IKZF4: variants seen among roughly 807,000 people sequenced by gnomAD.
IKZF4 encodes IKAROS family zinc finger 4, also known as zinc finger protein Eos.
IKZF4 carries 11 observed loss-of-function variants against 47.7 expected under a neutral mutation model. That is an observed-to-expected ratio of 0.23 (90% CI 0.15 to 0.38). The LOEUF (loss-of-function observed/expected upper bound fraction) is 0.38. Ranked by LOEUF, IKZF4 falls within the 10% of genes least tolerant of loss-of-function variation. The probability of loss-of-function intolerance (pLI) is 1.00; values close to 1 mark genes in which losing one functional copy is unlikely to be tolerated. For missense variants in IKZF4, 557 were observed against 784.9 expected (o/e 0.71, Z 3.47); for synonymous variants, 298 against 299.4 (o/e 1.00, Z 0.05).
In IKZF4 at chr12:56,032,706, A is replaced by C; in HGVS notation, c.861A>C (p.Gln287His). The change falls in exon 6 of 8, where the codon CAA (glutamine) becomes CAC (histidine). Residue 287 changes from glutamine to histidine, a missense_variant. Gln to His is a conservative substitution (Grantham distance 24). Transcript: ENST00000547167. Reference protein sequence around the residue: ...LSTEAQALAGQPGDEIRDLEM... With the variant: ...LSTEAQALAGHPGDEIRDLEM... ...CTGAAGCCCAAGCTTTGGCTGGCCA[A>C]CCAGGTAGGGCTATTGATGTACTAC... 1.8e-5 allele frequency: 29 copies of C among 1,614,042 alleles called. No individual in the cohort carries two copies. Among genetic ancestry groups the C allele is most frequent in the Non-Finnish European group, 2.5e-5 (29 of 1,179,910 alleles).
intron 1 of IKZF4, among the ~76,000 whole-genome samples, chr12:56,009,061 C>T (rs544559347): frequency 1.3e-5 from 2 of 152,242 alleles, no homozygotes; most frequent in East Asian, 1.9e-4. Context: ...TGTCAACCCT[C>T]GCTTATATGT....
upstream of IKZF4, chr12:56,021,034 C>A: frequency 9.1e-7 from 1 of 1,101,036 alleles, no homozygotes; most frequent in South Asian, 2.7e-5. Flanking sequence ...CTCTCTCTCT[C>A]TCTTGCACAC....
intron 7 of IKZF4, among the ~76,000 whole-genome samples, chr12:56,033,668 C>G (rs564354284): frequency 2.0e-5 from 3 of 152,032 alleles, no homozygotes; most frequent in Non-Finnish European, 4.4e-5. Context: ...GATCGCGCCA[C>G]TGCACTCCAT....
rs56857131 is a variant in IKZF4 at position 56,021,294 on chromosome 12, TCACA to T, written c.-180_-177del. 3.6e-4 allele frequency: 415 copies of T among 1,142,096 alleles called. 2 individuals carry two copies. The African/African-American group carries it at 6.2e-3, about 17-fold the overall frequency. 70.7% of individuals were successfully genotyped at this position (1,142,096 alleles called of 1,614,324 possible). On this transcript the variant is annotated 5_prime_UTR_variant, in exon 1 of 8. Transcript: ENST00000547167. ...CTCTCCCTCTCTCTCTCTCTCTCTC[TCACA>T]CACACACACACACACACACTCAACA...
intron 7 of IKZF4, 56 bp from the exon 8 acceptor site, chr12:56,034,515 G>T (rs1034241521): frequency 6.6e-7 from 1 of 1,504,578 alleles, no homozygotes; most frequent in Non-Finnish European, 9.0e-7. Flanking sequence ...AAGTAATCCT[G>T]AGGAGAGTGT....
intron 5 of IKZF4, among the ~76,000 whole-genome samples, chr12:56,028,960 C>A (rs1592973819): frequency 6.6e-6 from 1 of 152,160 alleles, no homozygotes; most frequent in East Asian, 1.9e-4. Context: ...CCTGGGAAAT[C>A]CCTCCTCTCA....
chr12:56,033,031 T>TG (rs1323261128), intron 6 of IKZF4, among the ~76,000 whole-genome samples, 159 bp from the exon 7 acceptor site: 2 of 152,148 alleles, frequency 1.3e-5, no homozygotes, highest in African/African-American at 4.8e-5. Flanking sequence ...GAAATTTTAT[T>TG]GGAGTGAGCT....
chr12:56,034,695 C>T lies in IKZF4; in HGVS notation c.1122C>T (p.Ala374=), dbSNP rs369980358. 23 of 1,614,044 alleles carry T rather than the reference C, an allele frequency of 1.4e-5. No individual in the cohort carries two copies. The highest frequency in any genetic ancestry group is 1.5e-5 in the Non-Finnish European group (18 of 1,179,882). The change falls in exon 8 of 8, where the codon GCC becomes GCT. Residue 374 remains alanine, a synonymous_variant. Coordinates refer to ENST00000547167, the MANE Select transcript of IKZF4 (RefSeq NM_022465.4). The part of the protein sequence containing the change: ...SLEPGFGSSL[A]FVGAEHLRPL... ...AGCCTGGCTTTGGAAGTTCCCTGGC[C>T]TTTGTGGGTGCAGAGCATCTGCGTC...
chr12:56,017,983 G>A (rs1892350438), upstream of IKZF4: 1 of 430,840 alleles, frequency 2.3e-6, no homozygotes, highest in Admixed American at 3.3e-5. Context: ...CACAGTGCCT[G>A]GCTAAGGTTT....
chr12:56,033,263 C>A lies in IKZF4; in HGVS notation c.939C>A (p.Ile313=), dbSNP rs780736271. 4 of 1,614,016 alleles carry A rather than the reference C, an allele frequency of 2.5e-6. No homozygotes were observed. Among genetic ancestry groups the A allele is most frequent in the Non-Finnish European group, 3.4e-6 (4 of 1,179,888 alleles). The change falls in exon 7 of 8, where the codon ATC becomes ATA. Residue 313 remains isoleucine, a synonymous_variant. Transcript: ENST00000547167. ...LHSSSERPTF[I]DRLANSLTKR... is the part of the protein sequence containing the mutation. ...CATCCTCTGAGCGGCCAACTTTCAT[C>A]GATCGTCTGGCCAATAGCCTCACCA...
intron 7 of IKZF4, 88 bp from the exon 8 acceptor site, chr12:56,034,483 C>T: frequency 2.2e-6 from 3 of 1,352,704 alleles, no homozygotes; most frequent in Non-Finnish European, 3.0e-6. Context: ...TTACACCCAG[C>T]CCCACAGGTA....
At chr12:56,019,985 C>T (rs1320681359), upstream of IKZF4, among the ~76,000 whole-genome samples, 1 of 152,222 alleles carries the variant, frequency 6.6e-6, no homozygotes, top group Non-Finnish European at 1.5e-5. Context: ...AGTAAGGCTA[C>T]CATTAGCCCT....
rs552474440 is a variant in IKZF4, at chr12:56,028,858, G to C, written c.715+911G>C. On this transcript the variant is annotated intron_variant, in intron 5 of 7. Transcript: ENST00000547167. ...CCTGAAGTACTGGGATTACAGGCGT[G>C]GTGTCAGCCACTGTGCCTGGGCTTT... 6.6e-3 allele frequency among the ~76,000 whole-genome samples: 563 copies of C among 85,734 alleles called. 9 individuals carry two copies. The highest frequency in any genetic ancestry group is 0.017 in the African/African-American group (533 of 31,358). The allele number at this position is 85,734 out of a possible 152,430, so 56.2% of individuals were successfully genotyped here.
chr12:56,014,499 C>G (rs1891752204), intron 2 of IKZF4, among the ~76,000 whole-genome samples: 1 of 152,184 alleles, frequency 6.6e-6, no homozygotes, highest in African/African-American at 2.4e-5. Flanking sequence ...TGCATGCACA[C>G]AAACACACAC....
rs1895792951 is a variant in IKZF4 at position 56,038,338 on chromosome 12, T to A, written c.*3007T>A. On this transcript the variant is annotated 3_prime_UTR_variant, in exon 8 of 8. Coordinates refer to ENST00000547167, the MANE Select transcript of IKZF4 (RefSeq NM_022465.4). ...CAAAGCATTTTGTATATGTAATATA[T>A]TGTAAGTAAATATTTGTGTAACGGA... 6.6e-6 allele frequency: 1 copy of A among 152,612 alleles called. No homozygotes were observed. Among genetic ancestry groups the A allele is most frequent in the African/African-American group, 2.4e-5 (1 of 41,432 alleles). 9.5% of individuals were successfully genotyped at this position (152,612 alleles called of 1,614,324 possible).
At chr12:56,027,397 CATCT>C (rs2136673002) in intron 4 of IKZF4, among the ~76,000 whole-genome samples, 1 of 151,746 alleles carries the variant, frequency 6.6e-6, no homozygotes, top group African/African-American at 2.4e-5. Flanking sequence ...TGGGCCCTCC[CATCT>C]AATAATTAAA....
upstream of IKZF4, chr12:56,020,888 G>T (rs989522287): frequency 9.1e-5 from 89 of 981,456 alleles, no homozygotes; most frequent in Non-Finnish European, 1.1e-4. Context: ...GGGGCTTTCT[G>T]CCTCTCTGAG....
chr12:56,021,382 G>GTGCC lies in IKZF4; in HGVS notation c.-111_-108dup. 6.5e-7 allele frequency: 1 copy of GTGCC among 1,548,288 alleles called. No individual in the cohort carries two copies. The highest frequency in any genetic ancestry group is 8.7e-7 in the Non-Finnish European group (1 of 1,146,852). ...CTGCAGCCGTGGGCCTCTGCTCACC[G>GTGCC]TGCCGCTGCTGCTGCCTGCGAAATG... On this transcript the variant is annotated 5_prime_UTR_variant, in exon 1 of 8. Transcript: ENST00000547167.
Position 56,035,706 on chromosome 12 carries a change from C to G in IKZF4, c.*375C>G, listed in dbSNP as rs749621390. ...GGCCAATTTTTCTCTCTTAGATCTT[C>G]CAGCAGCCCCAGGGGTAGGAAGCTC... On this transcript the variant is annotated 3_prime_UTR_variant, in exon 8 of 8. Transcript: ENST00000547167. The surrounding 1 kb of genome is among the most constrained non-coding windows in gnomAD (Gnocchi z 6.1). 5.6e-6 allele frequency: 1 copy of G among 177,700 alleles called. No homozygotes were observed. The highest frequency in any genetic ancestry group is 1.2e-5 in the Non-Finnish European group (1 of 83,308). 11.0% of individuals were successfully genotyped at this position (177,700 alleles called of 1,614,324 possible). A position where few individuals can be genotyped will look rare whatever the true frequency, so the allele number is the denominator to read the frequency against.
Sources: gnomAD v4.1 joint callset for allele counts (sites outside exome capture counted in the v4.1 genomes callset) on GRCh38, gnomAD v4.1.1 for gene constraint, Gnocchi (gnomAD v3.1) non-coding constraint, MANE v1.5 for transcripts, NCBI Gene and HGNC (gene_info 2026-07-23, HGNC 2026-07-21) for gene names.